The following PTPRG variants were observed in gnomAD, a reference collection of about 807,000 sequenced individuals.
The protein encoded by PTPRG is protein tyrosine phosphatase receptor type G.
In PTPRG, 102 loss-of-function variants were observed where a neutral mutation model predicts 165.3. That is an observed-to-expected ratio of 0.62 (90% confidence interval 0.53 to 0.73). The LOEUF (loss-of-function observed/expected upper bound fraction) is 0.73, where lower values mean the gene tolerates loss of function less well. Among genes scored for constraint, PTPRG ranks in the 30% least tolerant of loss-of-function variants. The pLI, the probability that PTPRG is intolerant of heterozygous loss-of-function variation, is 0.00. For missense variants in PTPRG, 1,866 were observed against 1,861.4 expected (o/e 1.00, Z -0.05); for synonymous variants, 675 against 669.5 (o/e 1.01, Z -0.13).
chr3:61,611,450 C>T (rs1000225078), intron 1 of PTPRG, among the ~76,000 whole-genome samples: 1 of 152,074 alleles, frequency 6.6e-6, no homozygotes, highest in Non-Finnish European at 1.5e-5. Flanking sequence ...AACTTGAATG[C>T]TTTTTTGGGG....
chr3:61,719,807 G>A (rs1339533609), intron 1 of PTPRG, among the ~76,000 whole-genome samples: 1 of 152,108 alleles, frequency 6.6e-6, no homozygotes, highest in African/African-American at 2.4e-5. Context: ...ACTTCTTGCT[G>A]TTCCTCACAC....
chr3:61,761,670 T>C (rs1014001824), intron 2 of PTPRG, among the ~76,000 whole-genome samples: 2 of 152,210 alleles, frequency 1.3e-5, no homozygotes, highest in Non-Finnish European at 2.9e-5. Flanking sequence ...GCAACCCATT[T>C]CTTGAATTGA....
In PTPRG at chr3:61,674,257, G is replaced by T. The variant is rs1030218394; in HGVS notation, c.86-74621G>T. ...TCTCAGAGATGGACATGTTAATGTT[G>T]CCTTGAGTAGAAAGATCTGGATACT... is the stretch of plus-strand genomic sequence containing the variant. On this transcript the variant is annotated intron_variant, in intron 1 of 29. Coordinates refer to ENST00000474889, the MANE Select transcript of PTPRG (RefSeq NM_002841.4). Among the ~76,000 whole-genome samples the T allele has an allele frequency of 2.0e-5, 3 of 151,942 alleles. No homozygotes were observed. In the East Asian group the frequency reaches 5.8e-4, roughly 29 times the overall value.
intron 1 of PTPRG, among the ~76,000 whole-genome samples, chr3:61,705,585 G>C (rs1038154104): frequency 6.6e-6 from 1 of 152,162 alleles, no homozygotes; most frequent in Non-Finnish European, 1.5e-5. Context: ...GGAGTAGGAG[G>C]TGTATAACTG....
chr3:61,630,853 C>T (rs1701754207), intron 1 of PTPRG, among the ~76,000 whole-genome samples: 2 of 151,890 alleles, frequency 1.3e-5, no homozygotes, highest in South Asian at 4.2e-4. Flanking sequence ...GTCAGGAGTT[C>T]GAGACCAGCC....
At chr3:62,168,846 AG>A in intron 8 of PTPRG, among the ~76,000 whole-genome samples, 1 of 152,262 alleles carries the variant, frequency 6.6e-6, no homozygotes, top group South Asian at 2.1e-4. Flanking sequence ...AGGAACAATC[AG>A]GTCGCCCATG....
chr3:62,278,463 C>T (rs1459613669), intron 26 of PTPRG, among the ~76,000 whole-genome samples: 1 of 152,022 alleles, frequency 6.6e-6, no homozygotes, highest in African/African-American at 2.4e-5. Flanking sequence ...AATGTTTCTG[C>T]TTAGATCTTG....
At chr3:61,937,057 T>C (rs2039499274) in intron 2 of PTPRG, among the ~76,000 whole-genome samples, 1 of 152,174 alleles carries the variant, frequency 6.6e-6, no homozygotes, top group South Asian at 2.1e-4. Context: ...TGAACTAAAA[T>C]GGGAATCGTC....
intron 4 of PTPRG, among the ~76,000 whole-genome samples, chr3:62,030,116 T>G (rs1335604334): frequency 1.3e-5 from 2 of 152,188 alleles, no homozygotes; most frequent in Non-Finnish European, 2.9e-5. Flanking sequence ...ATCATGTATA[T>G]CCAAACACAG....
rs149270449 is a variant in PTPRG, at chr3:61,942,021, G to A, written c.191-47604G>A. On this transcript the variant is annotated intron_variant, in intron 2 of 29. Coordinates refer to ENST00000474889, the MANE Select transcript of PTPRG (RefSeq NM_002841.4). ...TAAAAATACAAAAAATTAGCCAGGC[G>A]CGGTGGCAGGCATCATAATCCCAGG... is the stretch of plus-strand genomic sequence containing the variant. Among the ~76,000 whole-genome samples, 498 of 151,990 alleles carry A rather than the reference G, an allele frequency of 3.3e-3. 1 individual carries two copies. The highest frequency in any genetic ancestry group is 0.012 in the African/African-American group (480 of 41,440).
At position 62,229,187 on chromosome 3, in the gene PTPRG, TG is replaced by T. The variant is rs1182912088; in HGVS notation, c.2289-2033del. Among the ~76,000 whole-genome samples, 1 of 152,118 alleles carries T rather than the reference TG, an allele frequency of 6.6e-6. No individual in the cohort carries two copies. Among genetic ancestry groups the T allele is most frequent in the African/African-American group, 2.4e-5 (1 of 41,410 alleles). The stretch of plus-strand genomic sequence containing the variant: ...TCTTGCTCTGAGATGCTAAAAGAGA[TG>T]GGGGTAGGGAGTCTTTTGAGGTCCC... On this transcript the variant is annotated intron_variant, in intron 13 of 29. Transcript: ENST00000474889. The surrounding 1 kb of genome is among the most constrained non-coding windows in gnomAD (Gnocchi z 4.6).
chr3:62,262,931 G>T, intron 17 of PTPRG, 37 bp downstream of exon 17: 1 of 1,488,552 alleles, frequency 6.7e-7, no homozygotes, highest in Non-Finnish European at 9.3e-7. Context: ...CAACTGCGAG[G>T]AAATTAAATT....
At chr3:61,605,853 G>A (rs530336018) in intron 1 of PTPRG, among the ~76,000 whole-genome samples, 1 of 152,306 alleles carries the variant, frequency 6.6e-6, no homozygotes, top group East Asian at 1.9e-4. Context: ...GACTACAGAT[G>A]TGAGTCACCA....
intron 9 of PTPRG, among the ~76,000 whole-genome samples, chr3:62,192,240 A>G (rs1220516611): frequency 6.6e-6 from 1 of 151,962 alleles, no homozygotes; most frequent in Admixed American, 6.6e-5. Context: ...CAAATGCTAT[A>G]CTATCTGACC....
In PTPRG at chr3:61,620,446, C is replaced by T. The variant is rs564005137; in HGVS notation, c.85+58074C>T. Among the ~76,000 whole-genome samples, 56 of 152,140 alleles carry T rather than the reference C, an allele frequency of 3.7e-4. 1 individual carries two copies. Among genetic ancestry groups the T allele is most frequent in the African/African-American group, 1.2e-3 (51 of 41,490 alleles). On this transcript the variant is annotated intron_variant, in intron 1 of 29. Coordinates refer to ENST00000474889, the MANE Select transcript of PTPRG (RefSeq NM_002841.4). ...CCATATGAACTCATAATGAGGTGGC[C>T]TCACAGATTTGTAATGGTCAACCAT...
At chr3:62,063,481 C>T (rs145468144) in intron 4 of PTPRG, among the ~76,000 whole-genome samples, 29 of 152,180 alleles carry the variant, frequency 1.9e-4, no homozygotes, top group African/African-American at 5.5e-4. Flanking sequence ...AGCAAAGATA[C>T]GGTCTGAGAG....
At chr3:62,138,140 C>T (rs903974343) in intron 6 of PTPRG, among the ~76,000 whole-genome samples, 7 of 152,082 alleles carry the variant, frequency 4.6e-5, no homozygotes, top group African/African-American at 9.7e-5. Flanking sequence ...TTATATCTGC[C>T]GTTTTACAAC....
At chr3:61,913,973 A>G (rs1470739202) in intron 2 of PTPRG, among the ~76,000 whole-genome samples, 1 of 152,136 alleles carries the variant, frequency 6.6e-6, no homozygotes, top group African/African-American at 2.4e-5. Flanking sequence ...AAAGAATCCT[A>G]TTTTGTTTCA....
Position 62,213,874 on chromosome 3 carries a change from C to T in PTPRG, c.2156-4977C>T, listed in dbSNP as rs536163502. Among the ~76,000 whole-genome samples, 4 of 152,226 alleles carry T rather than the reference C, an allele frequency of 2.6e-5. No individual in the cohort carries two copies. Among genetic ancestry groups the T allele is most frequent in the East Asian group, 3.9e-4 (2 of 5,174 alleles). ...CCACAAATTGAGTCAGGGAGCAGGA[C>T]GGGTATTTCTTCTGAAGGACACAGC... On this transcript the variant is annotated intron_variant, in intron 12 of 29. Coordinates refer to ENST00000474889, the MANE Select transcript of PTPRG (RefSeq NM_002841.4). The surrounding 1 kb of genome is among the most constrained non-coding windows in gnomAD (Gnocchi z 4.4).
Sources: allele counts gnomAD v4.1 joint callset (sites outside exome capture counted in the v4.1 genomes callset), GRCh38; gene constraint gnomAD v4.1.1; non-coding constraint Gnocchi (gnomAD v3.1); transcripts MANE v1.5; gene names NCBI Gene and HGNC (gene_info 2026-07-23, HGNC 2026-07-21).